SLC25A51: variants seen among roughly 807,000 people sequenced by gnomAD.
SLC25A51 encodes the protein mitochondrial nicotinamide adenine dinucleotide transporter SLC25A51.
In SLC25A51, 11 loss-of-function variants were observed where a neutral mutation model predicts 19.1. The observed-to-expected ratio is 0.58, with a 90% CI of 0.36 to 0.96. The LOEUF is 0.96. Ranked by LOEUF, SLC25A51 falls within the 40% of genes least tolerant of loss-of-function variation. The pLI is 0.01. For synonymous variants in SLC25A51, 105 were observed against 133.6 expected (o/e 0.79, Z 1.47); for missense variants, 201 against 365.4 (o/e 0.55, Z 3.67).
chr9:37,883,049 T>C (rs909353644), downstream of SLC25A51, among the ~76,000 whole-genome samples: 1 of 152,260 alleles, frequency 6.6e-6, no homozygotes, highest in Non-Finnish European at 1.5e-5. Flanking sequence ...TTCGCCATGT[T>C]GGCCAGGCTG....
chr9:37,889,370 T>C (rs937907728), intron 2 of SLC25A51, among the ~76,000 whole-genome samples: 2 of 152,098 alleles, frequency 1.3e-5, no homozygotes, highest in Admixed American at 6.6e-5. Context: ...TGTGCCAAGG[T>C]GAACAATTAC....
rs144071827 is a variant in SLC25A51 at position 37,888,284 on chromosome 9, C to T, written c.267G>A (p.Met89Ile). 9.1e-4 allele frequency: 1,466 copies of T among 1,614,222 alleles called. 3 individuals are homozygous for T. The highest frequency in any genetic ancestry group is 1.1e-3 in the Admixed American group (69 of 60,028). ...TAAGTGCAAGCGTAGTTGTCTTCTG[C>T]ATCAATGGGGGAAGGATTCCACGAT... ...NLYRGILPPL[M>I]QKTTTLALMF... The change falls in exon 3 of 3, where the codon ATG becomes ATA. Residue 89 changes from methionine (M) to isoleucine (I), a missense_variant. By Grantham distance (10) the Met-to-Ile change is conservative. Transcript: ENST00000242275.
At chr9:37,878,127 C>A (rs1294388982), downstream of SLC25A51, 1 of 160,104 alleles carries the variant, frequency 6.2e-6, no homozygotes, top group Non-Finnish European at 1.5e-5. Flanking sequence ...AGCTGAGGTA[C>A]TGAACATTGC....
At chr9:37,892,734 T>C (rs960085326) in intron 2 of SLC25A51, among the ~76,000 whole-genome samples, 89 of 150,848 alleles carry the variant, frequency 5.9e-4, no homozygotes, top group African/African-American at 2.0e-3. Context: ...CCACCACACC[T>C]GGTTAATTTT....
chr9:37,886,208 A>G (rs934572198), downstream of SLC25A51: 4 of 1,567,874 alleles, frequency 2.6e-6, no homozygotes, highest in African/African-American at 5.4e-5. Context: ...ACAGACTGAC[A>G]AGAAAGGACG....
At position 37,891,792 on chromosome 9, in the gene SLC25A51, C is replaced by T. The variant is rs368081003; in HGVS notation, c.-42-3200G>A. 2.0e-5 allele frequency among the ~76,000 whole-genome samples: 3 copies of T among 149,886 alleles called. No homozygotes were observed. The East Asian group carries it at 5.9e-4, about 29-fold the overall frequency. The stretch of plus-strand genomic sequence containing the variant: ...CTTGTTTGTCTGCTGACCTTCCCTC[C>T]ACTATTGTCCTATGACCCTGCCAAA... On this transcript the variant is annotated intron_variant, in intron 2 of 2. Transcript: ENST00000242275.
Position 37,887,651 on chromosome 9 carries a change from G to A in SLC25A51, c.*6C>T, listed in dbSNP as rs762509977. 3.2e-5 allele frequency: 52 copies of A among 1,603,320 alleles called. No homozygotes were observed. Among genetic ancestry groups the A allele is most frequent in the Non-Finnish European group, 4.3e-5 (51 of 1,175,350 alleles). On this transcript the variant is annotated 3_prime_UTR_variant, in exon 3 of 3. Transcript: ENST00000242275. ...GTTGATAAATGGCACTTAACTGATG[G>A]TTTTTTCATATAACCTTTAACAAGA... is the stretch of plus-strand genomic sequence containing the variant.
At chr9:37,882,439 G>T (rs1436252058) in intron 2 of SLC25A51, among the ~76,000 whole-genome samples, 1 of 152,130 alleles carries the variant, frequency 6.6e-6, no homozygotes, top group Non-Finnish European at 1.5e-5. Context: ...GCATTACATT[G>T]TAACCAAGCT....
At chr9:37,893,761 A>C (rs139759279) in intron 2 of SLC25A51, among the ~76,000 whole-genome samples, 1 of 152,218 alleles carries the variant, frequency 6.6e-6, no homozygotes, top group Admixed American at 6.5e-5. Flanking sequence ...ACAACAAAAA[A>C]TCATTTAAAT....
intron 1 of SLC25A51, chr9:37,903,862 G>T (rs1047892497): frequency 4.9e-4 from 74 of 152,388 alleles, no homozygotes; most frequent in African/African-American, 1.7e-3. Flanking sequence ...GGGGGAGCCC[G>T]GAGCCGAGGA....
downstream of SLC25A51, chr9:37,887,573 T>TTAA: frequency 7.7e-7 from 1 of 1,295,018 alleles, no homozygotes; most frequent in Non-Finnish European, 1.0e-6. Context: ...GGATTTCCTT[T>TTAA]AAAAAAAAAA....
At chr9:37,898,408 A>G (rs1294716499) in intron 2 of SLC25A51, among the ~76,000 whole-genome samples, 3 of 152,222 alleles carry the variant, frequency 2.0e-5, no homozygotes, top group African/African-American at 7.2e-5. Context: ...ATACAAAATT[A>G]GCCAGGCGTG....
chr9:37,881,143 A>G (rs184275174), intron 3 of SLC25A51, among the ~76,000 whole-genome samples: 1 of 150,720 alleles, frequency 6.6e-6, no homozygotes, highest in Non-Finnish European at 1.5e-5. Context: ...AAAACTTCAC[A>G]CTCTCCTAAC....
intron 2 of SLC25A51, among the ~76,000 whole-genome samples, chr9:37,899,431 G>C (rs1477831151): frequency 1.3e-5 from 2 of 151,934 alleles, no homozygotes; most frequent in Non-Finnish European, 2.9e-5. Context: ...ACCCAGGCTG[G>C]AGTGCAGTGG....
intron 2 of SLC25A51, 71 bp downstream of exon 2, chr9:37,899,757 AC>A (rs74171536): frequency 3.0e-5 from 2 of 66,976 alleles, no homozygotes; most frequent in Non-Finnish European, 6.4e-5. Context: ...CCGCCCCCCC[AC>A]CCCCATCATA....
Position 37,887,614 on chromosome 9 carries a change from A to G in SLC25A51, c.*43T>C. ...AGAGGCCAAACTGCATTCTTCTTAG[A>G]AGGTCTATTCAGTTGATAAATGGCA... On this transcript the variant is annotated 3_prime_UTR_variant, in exon 3 of 3. Coordinates refer to ENST00000242275, the MANE Select transcript of SLC25A51 (RefSeq NM_033412.4). The G allele has an allele frequency of 6.5e-7, 1 of 1,547,382 alleles. No homozygotes were observed. The highest frequency in any genetic ancestry group is 8.7e-7 in the Non-Finnish European group (1 of 1,151,442).
At chr9:37,898,441 G>C (rs1831769207) in intron 2 of SLC25A51, among the ~76,000 whole-genome samples, 1 of 152,144 alleles carries the variant, frequency 6.6e-6, no homozygotes, top group Non-Finnish European at 1.5e-5. Context: ...TGTAATCCTA[G>C]CTATTCGGGA....
At chr9:37,894,038 A>AAAAAG (rs1275611807) in intron 2 of SLC25A51, among the ~76,000 whole-genome samples, 1 of 152,192 alleles carries the variant, frequency 6.6e-6, no homozygotes, top group East Asian at 1.9e-4. Flanking sequence ...GTATGTAACA[A>AAAAAG]TGCATTTTGG....
exon 4 of SLC25A51, chr9:37,879,947 C>T (rs1381942743): frequency 2.6e-5 from 4 of 152,322 alleles, no homozygotes; most frequent in Admixed American, 2.6e-4. Flanking sequence ...AGGGCTGGAT[C>T]ATCCTGTCTC....
Sources: gnomAD v4.1 joint callset for allele counts (sites outside exome capture counted in the v4.1 genomes callset) on GRCh38, gnomAD v4.1.1 for gene constraint, MANE v1.5 for transcripts, NCBI Gene and HGNC (gene_info 2026-07-23, HGNC 2026-07-21) for gene names.